The following TRRAP variants were observed in gnomAD, a reference collection of about 807,000 sequenced individuals.
TRRAP encodes the protein transformation/transcription domain associated protein.
In TRRAP, 41 loss-of-function variants were observed where a neutral mutation model predicts 438.8. The observed-to-expected ratio is 0.09, with a 90% confidence interval of 0.07 to 0.12. TRRAP has a LOEUF of 0.12. Among genes scored for constraint, TRRAP ranks in the 10% least tolerant of loss-of-function variants. The probability of loss-of-function intolerance (pLI) is 1.00; values close to 1 mark genes in which losing one functional copy is unlikely to be tolerated. For missense variants in TRRAP, 3,122 were observed against 5,055.1 expected (o/e 0.62, Z 11.60); for synonymous variants, 1,994 against 1,962.9 (o/e 1.02, Z -0.42).
At chr7:98,881,917 T>G in intron 2 of TRRAP, 58 bp from the exon 3 acceptor site, 3 of 1,564,756 alleles carry the variant, frequency 1.9e-6, no homozygotes, top group Non-Finnish European at 2.6e-6. Flanking sequence ...AAGTTTTGCA[T>G]TAACATAATT....
rs936426925 is a variant in TRRAP, at chr7:99,011,271, C to G, written c.11142+16C>G. 2.9e-5 allele frequency: 46 copies of G among 1,613,568 alleles called. No homozygotes were observed. Among genetic ancestry groups the G allele is most frequent in the Non-Finnish European group, 3.8e-5 (45 of 1,179,440 alleles). ...GATCGCTCAGGTAACCTGCTTTGAA[C>G]AGCCAGATCCTCTCCTCGTGACATC... On this transcript the variant is annotated intron_variant, in intron 71 of 72. Coordinates refer to ENST00000456197, the MANE Select transcript of TRRAP (RefSeq NM_001375524.1). This position sits in a 1 kb window ranked among gnomAD's most constrained non-coding sequence, Gnocchi z 7.1.
intron 3 of TRRAP, among the ~76,000 whole-genome samples, chr7:98,882,545 T>C (rs1244364505): frequency 1.3e-5 from 2 of 152,122 alleles, no homozygotes; most frequent in Non-Finnish European, 2.9e-5. Context: ...GTATTTTTAG[T>C]AGAGACGGGG....
intron 1 of TRRAP, among the ~76,000 whole-genome samples, chr7:98,880,521 CA>C (rs1302583980): frequency 1.3e-5 from 2 of 152,126 alleles, no homozygotes; most frequent in Admixed American, 1.3e-4. Context: ...CTTCGCCTTC[CA>C]AAGTGCTGGG....
intron 58 of TRRAP, 152 bp downstream of exon 58, chr7:98,979,056 T>G: frequency 3.3e-6 from 3 of 902,580 alleles, no homozygotes; most frequent in Non-Finnish European, 3.3e-6. Flanking sequence ...TCTAACACCT[T>G]TCCTGAATTT....
In TRRAP at chr7:98,894,716, G is replaced by A. The variant is rs372666412; in HGVS notation, c.450+835G>A. Among the ~76,000 whole-genome samples, 41 of 148,640 alleles carry A rather than the reference G, an allele frequency of 2.8e-4. No individual in the cohort carries two copies. The South Asian group carries it at 8.1e-3, about 29-fold the overall frequency. On this transcript the variant is annotated intron_variant, in intron 6 of 72. Transcript: ENST00000456197. ...CAACCTCTGCCTCCCGGATTCAAGCGATTCTCCTGTCTCAGCCTCCCCAAG... is the reference window on the plus strand; with the variant it reads ...CAACCTCTGCCTCCCGGATTCAAGCAATTCTCCTGTCTCAGCCTCCCCAAG...
chr7:98,931,122 G>A (rs1790305120), intron 25 of TRRAP, among the ~76,000 whole-genome samples: 1 of 152,220 alleles, frequency 6.6e-6, no homozygotes, highest in Non-Finnish European at 1.5e-5. Flanking sequence ...CGGAGGAGCT[G>A]CATTCTTAAA....
At chr7:98,991,986 G>A (rs771376065) in intron 64 of TRRAP, 151 bp from the exon 65 acceptor site, 35 of 776,292 alleles carry the variant, frequency 4.5e-5, no homozygotes, top group South Asian at 6.6e-5. Context: ...GGCCTTGTGC[G>A]TCAGATCAGT....
At chr7:98,957,885 A>C in intron 43 of TRRAP, 96 bp from the exon 44 acceptor site, 42 of 968,890 alleles carry the variant, frequency 4.3e-5, no homozygotes, top group Non-Finnish European at 6.1e-5. Context: ...TGTCCCCGGG[A>C]GGTACCGCAT....
chr7:98,949,090 G>A (rs553391501), intron 35 of TRRAP, among the ~76,000 whole-genome samples: 53 of 152,154 alleles, frequency 3.5e-4, no homozygotes, highest in Admixed American at 2.4e-3. Context: ...AAAATTAGCC[G>A]GGCACGGTGG....
At chr7:98,916,338 G>T (rs1554409555) in intron 19 of TRRAP, among the ~76,000 whole-genome samples, 1 of 152,160 alleles carries the variant, frequency 6.6e-6, no homozygotes, top group Non-Finnish European at 1.5e-5. Flanking sequence ...GATTTACATA[G>T]CCAGAATCCT....
Position 98,988,966 on chromosome 7 carries a change from G to A in TRRAP, c.9591G>A (p.Lys3197=). 6.2e-7 allele frequency: 1 copy of A among 1,612,098 alleles called. No homozygotes were observed. Among genetic ancestry groups the A allele is most frequent in the Non-Finnish European group, 8.5e-7 (1 of 1,179,046 alleles). The change falls in exon 63 of 73, where the codon AAG becomes AAA. Residue 3197 remains lysine (K), a splice_region_variant and synonymous_variant. Coordinates refer to ENST00000456197, the MANE Select transcript of TRRAP (RefSeq NM_001375524.1). ...NESKSRKYLA[K]VLWLLSFDDD... Reference sequence around the variant, plus strand: ...GCAAATCGAGGAAATACTTAGCCAAGGTGAGACCGAAAAAACGAGCTTTGA... The same window carrying A: ...GCAAATCGAGGAAATACTTAGCCAAAGTGAGACCGAAAAAACGAGCTTTGA...
chr7:99,009,285 C>G (rs777452376), intron 70 of TRRAP, among the ~76,000 whole-genome samples: 16 of 152,202 alleles, frequency 1.1e-4, no homozygotes, highest in Non-Finnish European at 1.8e-4. Flanking sequence ...TCTATGGGTC[C>G]CAAGAAGGAG....
At position 98,988,972 on chromosome 7, in the gene TRRAP, A is replaced by G. The variant is rs778269915; in HGVS notation, c.9591+6A>G. The stretch of plus-strand genomic sequence containing the variant: ...CGAGGAAATACTTAGCCAAGGTGAG[A>G]CCGAAAAAACGAGCTTTGACCAGAG... On this transcript the variant is annotated splice_donor_region_variant and intron_variant, in intron 63 of 72. Transcript: ENST00000456197. The G allele has an allele frequency of 4.3e-6, 7 of 1,610,730 alleles. No individual in the cohort carries two copies. The highest frequency in any genetic ancestry group is 5.9e-6 in the Non-Finnish European group (7 of 1,178,416).
At chr7:98,923,456 G>GT (rs1187470383) in intron 21 of TRRAP, among the ~76,000 whole-genome samples, 1 of 152,272 alleles carries the variant, frequency 6.6e-6, no homozygotes, top group Non-Finnish European at 1.5e-5. Context: ...TAAAGGGAAA[G>GT]ATGAGCGTGG....
chr7:98,990,647 C>T (rs754435181), intron 64 of TRRAP, 28 bp downstream of exon 64: 131 of 1,589,492 alleles, frequency 8.2e-5, no homozygotes, highest in East Asian at 2.5e-4. Flanking sequence ...GCCTTGTTCA[C>T]GTGCACAAAA....
rs372695070 is a variant in TRRAP, at chr7:98,899,765, G to A, written c.798G>A (p.Ala266=). The A allele has an allele frequency of 1.7e-5, 27 of 1,613,914 alleles. No individual in the cohort carries two copies. Among genetic ancestry groups the A allele is most frequent in the Non-Finnish European group, 2.0e-5 (24 of 1,179,936 alleles). Residue 266 remains alanine, a splice_region_variant and synonymous_variant, in exon 10 of 73, where the codon GCG becomes GCA. Transcript: ENST00000456197. The stretch of plus-strand genomic sequence containing the variant: ...TTGCCATTCAGGTGTCTGCACAAGC[G>A]AGGTGAGGCGTCACTGTAGCCGGCT... ...NTIAIQVSAQ[A]RQHKLYNKEL...
rs373393871 is a variant in TRRAP at position 98,976,113 on chromosome 7, C to T, written c.7840-36C>T. 1.2e-5 allele frequency: 20 copies of T among 1,610,838 alleles called. No homozygotes were observed. In the African/African-American group the frequency reaches 1.3e-4, roughly 11 times the overall value. ...GTGGTTGTGCGAGGCACCCCCAGCC[C>T]GTGGCCATCTCAGCCTGTTGTCTTT... On this transcript the variant is annotated intron_variant, in intron 53 of 72. Coordinates refer to ENST00000456197, the MANE Select transcript of TRRAP (RefSeq NM_001375524.1). This position sits in a 1 kb window ranked among gnomAD's most constrained non-coding sequence, Gnocchi z 4.6.
intron 64 of TRRAP, among the ~76,000 whole-genome samples, chr7:98,991,935 T>C (rs1256911168): frequency 6.6e-6 from 1 of 152,250 alleles, no homozygotes; most frequent in East Asian, 1.9e-4. Context: ...GTGTCTTGGC[T>C]CTTTTAAAGT....
chr7:98,989,071 T>A, intron 63 of TRRAP, 105 bp downstream of exon 63: 3 of 1,138,536 alleles, frequency 2.6e-6, no homozygotes, highest in Non-Finnish European at 2.5e-6. Context: ...TGAGGCATGA[T>A]TTCATGCCTT....
Sources: allele counts gnomAD v4.1 joint callset (sites outside exome capture counted in the v4.1 genomes callset), GRCh38; gene constraint gnomAD v4.1.1; non-coding constraint Gnocchi (gnomAD v3.1); transcripts MANE v1.5; gene names NCBI Gene and HGNC (gene_info 2026-07-23, HGNC 2026-07-21).